PUM2: variants seen among roughly 807,000 people sequenced by gnomAD.
PUM2 encodes pumilio RNA binding family member 2.
A neutral mutation model predicts 124.5 loss-of-function variants in PUM2; 57 were observed. The ratio of observed to expected loss-of-function variants is 0.46; its 90% CI spans 0.37 to 0.57. The LOEUF (loss-of-function observed/expected upper bound fraction) is 0.57, where lower values mean the gene tolerates loss of function less well. PUM2 is among the 20% of genes least tolerant of loss of function. PUM2 has a pLI of 0.00. For missense variants in PUM2, 1,065 were observed against 1,290.6 expected (o/e 0.83, Z 2.68); for synonymous variants, 460 against 446.1 (o/e 1.03, Z -0.39).
intron 12 of PUM2, among the ~76,000 whole-genome samples, chr2:20,280,953 CATTA>C (rs1264773685): frequency 1.3e-5 from 2 of 152,082 alleles, no homozygotes; most frequent in Non-Finnish European, 2.9e-5. Flanking sequence ...CACTGTTAAA[CATTA>C]ATAATTTCAT....
chr2:20,340,889 AAAC>A (rs1364818573), intron 1 of PUM2, among the ~76,000 whole-genome samples: 3 of 152,254 alleles, frequency 2.0e-5, no homozygotes, highest in Admixed American at 1.3e-4. Context: ...TTGCAAATGG[AAAC>A]AACAATGCCT....
chr2:20,340,320 T>C (rs927348585), intron 1 of PUM2, among the ~76,000 whole-genome samples: 4 of 152,220 alleles, frequency 2.6e-5, no homozygotes, highest in Admixed American at 2.6e-4. Context: ...AGCTAACTCT[T>C]TGGTGCCAAA....
At chr2:20,275,482 T>A (rs1169240919) in intron 13 of PUM2, among the ~76,000 whole-genome samples, 1 of 152,088 alleles carries the variant, frequency 6.6e-6, no homozygotes, top group East Asian at 1.9e-4. Flanking sequence ...AAGTTCCAGA[T>A]AATAAATGAA....
At chr2:20,281,776 G>A (rs373113523) in intron 12 of PUM2, among the ~76,000 whole-genome samples, 1 of 152,186 alleles carries the variant, frequency 6.6e-6, no homozygotes, top group African/African-American at 2.4e-5. Context: ...AGATAATTTT[G>A]TGTCAGTCCA....
intron 9 of PUM2, among the ~76,000 whole-genome samples, chr2:20,292,544 T>C (rs1057383973): frequency 1.3e-5 from 2 of 152,052 alleles, no homozygotes; most frequent in Non-Finnish European, 2.9e-5. Context: ...TTGTATTTAG[T>C]AGAGACGGGG....
intron 1 of PUM2, among the ~76,000 whole-genome samples, chr2:20,337,228 AAATCAGGGAAACTC>A (rs1686314291): frequency 6.6e-6 from 1 of 152,134 alleles, no homozygotes; most frequent in Non-Finnish European, 1.5e-5. Flanking sequence ...TTTTTGAGAA[AAATCAGGGAAACTC>A]AAATATAGAA....
intron 16 of PUM2, among the ~76,000 whole-genome samples, chr2:20,256,974 G>C (rs939402815): frequency 1.3e-5 from 2 of 149,238 alleles, no homozygotes; most frequent in African/African-American, 5.0e-5. Flanking sequence ...AACCTGGGAG[G>C]CGGAGGTTGC....
intron 7 of PUM2, among the ~76,000 whole-genome samples, chr2:20,306,281 A>C: frequency 6.6e-6 from 1 of 152,200 alleles, no homozygotes; most frequent in East Asian, 1.9e-4. Context: ...AATTTCCCTA[A>C]GTAAATTACA....
At chr2:20,314,480 T>C (rs910751432) in intron 3 of PUM2, among the ~76,000 whole-genome samples, 10 of 152,246 alleles carry the variant, frequency 6.6e-5, no homozygotes, top group African/African-American at 2.4e-4. Flanking sequence ...AGTAATACAT[T>C]TGAGGCAACA....
At chr2:20,317,288 C>T (rs1193471132) in intron 3 of PUM2, among the ~76,000 whole-genome samples, 2 of 152,116 alleles carry the variant, frequency 1.3e-5, no homozygotes, top group Non-Finnish European at 2.9e-5. Flanking sequence ...AGTTAATTTT[C>T]CCTTAACAGT....
chr2:20,285,213 C>T (rs186639008), intron 10 of PUM2, among the ~76,000 whole-genome samples: 1 of 152,304 alleles, frequency 6.6e-6, no homozygotes, highest in African/African-American at 2.4e-5. Context: ...TGTTCATTTA[C>T]CTTCCAATCT....
At chr2:20,330,921 G>A (rs912055020) in intron 1 of PUM2, among the ~76,000 whole-genome samples, 4 of 152,196 alleles carry the variant, frequency 2.6e-5, no homozygotes, top group Non-Finnish European at 5.9e-5. Context: ...CCCAGCTGGT[G>A]TCCACTGGAG....
rs1270324816 is a variant in PUM2, at chr2:20,254,001, T to C, written c.2884A>G (p.Lys962Glu). 6.2e-7 allele frequency: 1 copy of C among 1,605,138 alleles called. No homozygotes were observed. The highest frequency in any genetic ancestry group is 8.5e-7 in the Non-Finnish European group (1 of 1,177,706). The change falls in exon 20 of 21, where the codon AAG becomes GAG. Residue 962 changes from lysine (K) to glutamate (E), a missense_variant. This residue lies in a region of PUM2 where 968 missense variants were observed against 1,159.8 expected (regional missense o/e 0.83). Transcript: ENST00000361078. ...QHKFASNVVE[K>E]CVTHASRAER... ...GCACGGGAGGCATGAGTAACACACT[T>C]TTCTACTACATTGCTAAAAATTAAA...
chr2:20,255,548 G>A (rs1310163248), intron 17 of PUM2, among the ~76,000 whole-genome samples: 2 of 151,994 alleles, frequency 1.3e-5, no homozygotes, highest in Middle Eastern at 3.2e-3. Context: ...AGGAGCTGAA[G>A]ATATTTTGAT....
chr2:20,285,346 A>G (rs957154522), intron 10 of PUM2, among the ~76,000 whole-genome samples: 1 of 152,164 alleles, frequency 6.6e-6, no homozygotes, highest in East Asian at 1.9e-4. Flanking sequence ...TCTGAGATTG[A>G]TATAAAAAGA....
chr2:20,343,662 G>A (rs1361199851), intron 1 of PUM2, among the ~76,000 whole-genome samples: 2 of 152,116 alleles, frequency 1.3e-5, no homozygotes, highest in South Asian at 2.1e-4. Flanking sequence ...AGCACTTTAG[G>A]AGGCCAAGAC....
intron 1 of PUM2, among the ~76,000 whole-genome samples, chr2:20,344,725 G>C (rs1687885038): frequency 6.6e-6 from 1 of 152,116 alleles, no homozygotes; most frequent in Admixed American, 6.5e-5. Context: ...GCTCACACCT[G>C]TAATCCCAGC....
intron 10 of PUM2, among the ~76,000 whole-genome samples, chr2:20,289,407 T>C (rs1673482646): frequency 6.6e-6 from 1 of 152,200 alleles, no homozygotes; most frequent in South Asian, 2.1e-4. Flanking sequence ...CAGCTCACTT[T>C]TCAGCCCAAC....
chr2:20,290,909 C>G, intron 9 of PUM2, 119 bp from the exon 10 acceptor site: 1 of 782,984 alleles, frequency 1.3e-6, no homozygotes, highest in African/African-American at 1.8e-5. Context: ...CATTTACATG[C>G]AAGGAAATGT....
Sources: gnomAD v4.1 joint callset for allele counts (sites outside exome capture counted in the v4.1 genomes callset) on GRCh38, gnomAD v4.1.1 for gene constraint, gnomAD v4.1.1 regional missense constraint, MANE v1.5 for transcripts, NCBI Gene and HGNC (gene_info 2026-07-23, HGNC 2026-07-21) for gene names.